SH2D4B: variants seen among roughly 807,000 people sequenced by gnomAD.
SH2D4B encodes SH2 domain containing 4B.
SH2D4B carries 45 observed loss-of-function variants against 61.5 expected under a neutral mutation model. The observed-to-expected ratio is 0.73, with a 90% CI of 0.58 to 0.94. SH2D4B has a LOEUF of 0.94. Among genes scored for constraint, SH2D4B ranks in the 40% least tolerant of loss-of-function variants. The pLI, the probability that SH2D4B is intolerant of heterozygous loss-of-function variation, is 0.00. For missense variants in SH2D4B, 572 were observed against 574.2 expected, an observed-to-expected ratio of 1.00 and a Z score of 0.04; for synonymous variants, 224 against 220.4, an observed-to-expected ratio of 1.02 and a Z score of -0.14.
At chr10:80,634,228 G>A in intron 6 of SH2D4B, 57 bp from the exon 7 acceptor site, 2 of 1,473,628 alleles carry the variant, frequency 1.4e-6, no homozygotes, top group South Asian at 1.4e-5. Flanking sequence ...GGAGAATCGT[G>A]GGGGAGGCAG....
At chr10:80,594,255 T>C (rs2132133804) in intron 4 of SH2D4B, among the ~76,000 whole-genome samples, 1 of 152,358 alleles carries the variant, frequency 6.6e-6, no homozygotes, top group East Asian at 1.9e-4. Context: ...CATATGTTTT[T>C]TGTTCTTTAT....
chr10:80,588,546 C>G, intron 3 of SH2D4B, 84 bp from the exon 4 acceptor site: 1 of 1,555,952 alleles, frequency 6.4e-7, no homozygotes, highest in Admixed American at 1.7e-5. Context: ...GCCCCATCCA[C>G]TGCAGAATCC....
chr10:80,634,190 A>G, intron 6 of SH2D4B, 95 bp from the exon 7 acceptor site: 1 of 1,436,934 alleles, frequency 7.0e-7, no homozygotes, highest in Non-Finnish European at 9.2e-7. Context: ...ATGTGCACTG[A>G]GCCACAGGGT....
chr10:80,603,682 C>A lies in SH2D4B; in HGVS notation c.747C>A (p.Val249=). 1 of 1,612,054 alleles carries A rather than the reference C, an allele frequency of 6.2e-7. No homozygotes were observed. The change falls in exon 5 of 8, where the codon GTC becomes GTA. Residue 249 remains valine (V), a synonymous_variant. Transcript: ENST00000646907. ...HSLRAIQKGT[V]AGLSSMFREL... Reference sequence around the variant, plus strand: ...TCCGTGCTATCCAGAAGGGCACGGTCGCTGGCCTCAGCTCCATGTTCCGGG... The same window carrying A: ...TCCGTGCTATCCAGAAGGGCACGGTAGCTGGCCTCAGCTCCATGTTCCGGG...
intron 7 of SH2D4B, chr10:80,643,084 A>G (rs1288341474): frequency 6.6e-6 from 1 of 152,202 alleles, no homozygotes; most frequent in Non-Finnish European, 1.5e-5. Context: ...TTCTTTGTCC[A>G]TTTTTCCATT....
intron 3 of SH2D4B, among the ~76,000 whole-genome samples, chr10:80,576,656 G>A (rs557989971): frequency 1.3e-5 from 2 of 152,354 alleles, no homozygotes; most frequent in East Asian, 3.9e-4. Context: ...GCGGCAAATT[G>A]TTTGCCCCTC....
intron 4 of SH2D4B, among the ~76,000 whole-genome samples, chr10:80,591,066 T>C (rs901793354): frequency 6.6e-6 from 1 of 151,608 alleles, no homozygotes; most frequent in South Asian, 2.1e-4. Flanking sequence ...GTAGCAGATA[T>C]CATTCCTTCC....
chr10:80,545,336 T>C (rs988323915), intron 1 of SH2D4B, among the ~76,000 whole-genome samples: 3 of 151,728 alleles, frequency 2.0e-5, no homozygotes, highest in African/African-American at 7.3e-5. Context: ...TTCTTCTCCT[T>C]CTCTCTCTTC....
intron 1 of SH2D4B, among the ~76,000 whole-genome samples, chr10:80,544,496 A>G (rs1243569252): frequency 3.3e-5 from 5 of 152,210 alleles, no homozygotes; most frequent in Admixed American, 2.0e-4. Context: ...ACTGTATGAC[A>G]CCATCCTTTT....
At chr10:80,606,855 C>T (rs1842525528) in intron 5 of SH2D4B, among the ~76,000 whole-genome samples, 1 of 152,090 alleles carries the variant, frequency 6.6e-6, no homozygotes, top group South Asian at 2.1e-4. Flanking sequence ...TTGGAAAAAG[C>T]GCAAAGATGA....
chr10:80,611,148 C>G (rs1842592999), intron 6 of SH2D4B, among the ~76,000 whole-genome samples: 1 of 134,492 alleles, frequency 7.4e-6, no homozygotes, highest in Non-Finnish European at 1.5e-5. Flanking sequence ...GTACTCCAGC[C>G]TGGGCAACCA....
chr10:80,616,013 C>T (rs924099950), intron 6 of SH2D4B, among the ~76,000 whole-genome samples: 2 of 152,096 alleles, frequency 1.3e-5, no homozygotes, highest in Admixed American at 1.3e-4. Flanking sequence ...TGGTTCATCT[C>T]TTTATGGCAT....
chr10:80,621,288 A>G (rs551096470), intron 6 of SH2D4B, among the ~76,000 whole-genome samples: 2 of 152,234 alleles, frequency 1.3e-5, no homozygotes, highest in Non-Finnish European at 2.9e-5. Flanking sequence ...CGGACAGGCA[A>G]AATGTCAGCA....
chr10:80,576,858 C>T (rs1156472287), intron 3 of SH2D4B, among the ~76,000 whole-genome samples: 1 of 152,184 alleles, frequency 6.6e-6, no homozygotes, highest in Admixed American at 6.5e-5. Context: ...ACTTCTGCCT[C>T]CTGGGTTCAA....
intron 6 of SH2D4B, among the ~76,000 whole-genome samples, chr10:80,622,415 G>A (rs541121280): frequency 7.2e-5 from 11 of 152,298 alleles, no homozygotes; most frequent in Non-Finnish European, 1.3e-4. Flanking sequence ...CTGAATTTTT[G>A]CAGTTAAACG....
intron 6 of SH2D4B, among the ~76,000 whole-genome samples, chr10:80,624,565 T>TG (rs1411361436): frequency 6.6e-6 from 1 of 152,264 alleles, no homozygotes; most frequent in Non-Finnish European, 1.5e-5. Context: ...GCAAGACTAC[T>TG]GACTTTCTAG....
chr10:80,585,944 G>A (rs956703510), intron 3 of SH2D4B, among the ~76,000 whole-genome samples: 1 of 152,152 alleles, frequency 6.6e-6, no homozygotes, highest in Non-Finnish European at 1.5e-5. Flanking sequence ...CTGGGTGGGC[G>A]TGGGCTAGGT....
chr10:80,552,060 T>G (rs1036204079), intron 1 of SH2D4B, among the ~76,000 whole-genome samples: 1 of 152,146 alleles, frequency 6.6e-6, no homozygotes, highest in Admixed American at 6.5e-5. Context: ...AAAGTTCCAT[T>G]TTGTTGACCT....
intron 3 of SH2D4B, among the ~76,000 whole-genome samples, chr10:80,584,186 C>A (rs1002858834): frequency 2.0e-5 from 3 of 152,176 alleles, no homozygotes; most frequent in Admixed American, 6.5e-5. Context: ...GTGTTAAATG[C>A]TGCTGCAAAA....
Sources: gnomAD v4.1 joint callset for allele counts (sites outside exome capture counted in the v4.1 genomes callset) on GRCh38, gnomAD v4.1.1 for gene constraint, MANE v1.5 for transcripts, NCBI Gene and HGNC (gene_info 2026-07-23, HGNC 2026-07-21) for gene names.